RMDN2: variants seen among roughly 807,000 people sequenced by gnomAD.
RMDN2 encodes the protein regulator of microtubule dynamics 2.
In RMDN2, 61 loss-of-function variants were observed where a neutral mutation model predicts 52.8. The observed-to-expected ratio is 1.16, with a 90% CI of 0.94 to 1.43. RMDN2 has a LOEUF of 1.43. Ranked by LOEUF, RMDN2 falls within the 40% of genes most tolerant of loss-of-function variation. The probability of loss-of-function intolerance (pLI) is 0.00; values close to 1 mark genes in which losing one functional copy is unlikely to be tolerated. For synonymous variants in RMDN2, 180 were observed against 153.1 expected (o/e 1.18, Z -1.30); for missense variants, 592 against 475.3 (o/e 1.25, Z -2.28).
rs1446574796 is a variant in RMDN2, at chr2:37,974,100, C to G, written c.513C>G (p.Asn171Lys). ...GTTTTCCAGTCCCTAAGGCATTTAA[C>G]ACACGTGTAGAGGAATTAAATTTAG... ...EQSFPVPKAF[N>K]TRVEELNLDV... is the part of the protein sequence containing the mutation. The change falls in exon 3 of 11, where the codon AAC becomes AAG. Residue 171 changes from asparagine to lysine, a missense_variant. Asn to Lys is a moderately conservative substitution (Grantham distance 94). Transcript: ENST00000354545. 2.5e-6 allele frequency: 4 copies of G among 1,612,668 alleles called. No individual in the cohort carries two copies. The African/African-American group carries it at 4.0e-5, about 16-fold the overall frequency.
intron 2 of RMDN2, among the ~76,000 whole-genome samples, chr2:37,932,875 C>T (rs867453151): frequency 6.9e-6 from 1 of 145,122 alleles, no homozygotes; most frequent in African/African-American, 2.5e-5. Flanking sequence ...CTGACCCCCC[C>T]ACCTCCCTCC....
intron 2 of RMDN2, among the ~76,000 whole-genome samples, chr2:37,964,074 C>T (rs903538122): frequency 1.1e-4 from 17 of 151,304 alleles, no homozygotes; most frequent in Non-Finnish European, 2.1e-4. Flanking sequence ...GGCTGCCGGG[C>T]GGAGGCGCTC....
chr2:38,008,182 G>A (rs893506725), intron 10 of RMDN2, among the ~76,000 whole-genome samples: 2 of 152,202 alleles, frequency 1.3e-5, no homozygotes, highest in Admixed American at 1.3e-4. Context: ...TGTGTATTCT[G>A]TTGATTTGGG....
At chr2:37,970,647 C>G (rs1465658671) in intron 2 of RMDN2, among the ~76,000 whole-genome samples, 1 of 152,072 alleles carries the variant, frequency 6.6e-6, no homozygotes, top group East Asian at 1.9e-4. Flanking sequence ...TAAAACTATT[C>G]TATGTGTGCA....
At chr2:37,932,858 C>T (rs1397444228) in intron 2 of RMDN2, among the ~76,000 whole-genome samples, 1 of 120,454 alleles carries the variant, frequency 8.3e-6, no homozygotes, top group Non-Finnish European at 1.7e-5. Context: ...GCTGGCCGGG[C>T]GGGAGGCTGA....
intron 2 of RMDN2, among the ~76,000 whole-genome samples, chr2:37,964,002 C>T (rs1290284545): frequency 5.3e-5 from 8 of 151,040 alleles, no homozygotes; most frequent in African/African-American, 1.5e-4. Flanking sequence ...CCCCCCACCT[C>T]CCTCCCGGAC....
rs1295066914 is a variant in RMDN2 at position 38,053,199 on chromosome 2, T to G, written c.1714-13783T>G. ...AATAACATGATTTTCTTACTCAAAT[T>G]ATGATTTTTTTTGGAAGGAAAAAAT... On this transcript the variant is annotated intron_variant, in intron 10 of 10. Transcript: ENST00000234195. Among the ~76,000 whole-genome samples, 3 of 152,226 alleles carry G rather than the reference T, an allele frequency of 2.0e-5. No homozygotes were observed. The East Asian group carries it at 5.8e-4, about 29-fold the overall frequency.
rs553608437 is a variant in RMDN2 at position 37,943,760 on chromosome 2, C to G, written c.452+14031C>G. Among the ~76,000 whole-genome samples, 5 of 152,278 alleles carry G rather than the reference C, an allele frequency of 3.3e-5. No individual in the cohort carries two copies. The East Asian group carries it at 7.7e-4, about 23-fold the overall frequency. ...AACTGCAGTTAAACTCCTCCCCTAT[C>G]CTTCTAAATTAACTTTGCGAAGTTG... is the stretch of plus-strand genomic sequence containing the variant. On this transcript the variant is annotated intron_variant, in intron 2 of 10. Transcript: ENST00000354545.
At chr2:38,021,333 A>G (rs555935066), downstream of RMDN2, among the ~76,000 whole-genome samples, 6 of 152,308 alleles carry the variant, frequency 3.9e-5, no homozygotes, top group East Asian at 1.2e-3. Flanking sequence ...GGGTGGGGCC[A>G]GAGAAGAGAA....
At chr2:38,067,039 T>A in exon 11 of RMDN2, 3 of 1,596,792 alleles carry the variant, frequency 1.9e-6, no homozygotes, top group Non-Finnish European at 2.6e-6. Context: ...CATCTGTGAG[T>A]GTGGCACAGT....
chr2:38,003,458 C>T (rs1048032528), intron 8 of RMDN2, among the ~76,000 whole-genome samples: 9 of 152,046 alleles, frequency 5.9e-5, no homozygotes, highest in African/African-American at 2.2e-4. Flanking sequence ...GAGGCCAAGG[C>T]AGGAGAATTG....
rs189644627 is a variant in RMDN2 at position 37,959,395 on chromosome 2, C to A, written c.453-14645C>A. 4.6e-5 allele frequency among the ~76,000 whole-genome samples: 7 copies of A among 150,798 alleles called. 1 individual carries two copies. The highest frequency in any genetic ancestry group is 7.4e-5 in the Non-Finnish European group (5 of 68,024). On this transcript the variant is annotated intron_variant, in intron 2 of 10. Transcript: ENST00000354545. The stretch of plus-strand genomic sequence containing the variant: ...TTTAGTCTTGGGAGGGTGTGTGTGT[C>A]CAGGAATTTATCCATTTCTTGTAGA...
intron 1 of RMDN2, among the ~76,000 whole-genome samples, chr2:37,926,217 TAATG>T (rs1451933216): frequency 3.3e-5 from 5 of 152,384 alleles, no homozygotes; most frequent in East Asian, 1.9e-4. Context: ...CTGATGAAGT[TAATG>T]AATATCTGTG....
intron 10 of RMDN2, among the ~76,000 whole-genome samples, chr2:38,048,668 A>G (rs1229974269): frequency 6.6e-6 from 1 of 152,176 alleles, no homozygotes; most frequent in African/African-American, 2.4e-5. Context: ...CCGACAAACA[A>G]CAGAACCACC....
intron 1 of RMDN2, 66 bp downstream of exon 1, chr2:37,925,491 G>T (rs888134622): frequency 6.5e-6 from 1 of 152,678 alleles, no homozygotes; most frequent in Admixed American, 6.5e-5. Context: ...GGGACTTGCG[G>T]AGGGAAGCGG....
chr2:38,013,766 A>G (rs1352028235), intron 10 of RMDN2, among the ~76,000 whole-genome samples: 1 of 152,216 alleles, frequency 6.6e-6, no homozygotes, highest in African/African-American at 2.4e-5. Context: ...AGGGTAATAA[A>G]TGGGTCTCTT....
intron 2 of RMDN2, among the ~76,000 whole-genome samples, chr2:37,937,659 A>G (rs1307504926): frequency 1.3e-5 from 2 of 152,156 alleles, no homozygotes; most frequent in Admixed American, 6.5e-5. Flanking sequence ...ATCTGTAGCA[A>G]TTATGAATGG....
chr2:37,975,363 T>G (rs202246071), intron 4 of RMDN2, 49 bp downstream of exon 4: 3 of 1,059,152 alleles, frequency 2.8e-6, no homozygotes, highest in East Asian at 4.8e-5. Flanking sequence ...AGATCTATAG[T>G]AAATCATGCA....
chr2:37,992,100 G>A (rs1351226374), intron 7 of RMDN2, among the ~76,000 whole-genome samples: 1 of 152,092 alleles, frequency 6.6e-6, no homozygotes, highest in Non-Finnish European at 1.5e-5. Flanking sequence ...ATTTCTTGCT[G>A]CATTTCATCC....
Sources: gnomAD v4.1 joint callset for allele counts (sites outside exome capture counted in the v4.1 genomes callset) on GRCh38, gnomAD v4.1.1 for gene constraint, MANE v1.5 for transcripts, NCBI Gene and HGNC (gene_info 2026-07-23, HGNC 2026-07-21) for gene names.